NKAIN3: variants seen among roughly 807,000 people sequenced by gnomAD.
The protein encoded by NKAIN3 is sodium/potassium-transporting ATPase subunit beta-1-interacting protein 3.
Under a neutral mutation model 30.2 loss-of-function variants are expected in NKAIN3, and 25 were observed. The observed-to-expected ratio is 0.83, with a 90% CI of 0.60 to 1.16. The LOEUF is 1.16. Among genes scored for constraint, NKAIN3 ranks in the 50% most tolerant of loss-of-function variants. The pLI, the probability that NKAIN3 is intolerant of heterozygous loss-of-function variation, is 0.00. For synonymous variants in NKAIN3, 91 were observed against 89.6 expected, an observed-to-expected ratio of 1.02 and a Z score of -0.09; for missense variants, 225 against 254.1, an observed-to-expected ratio of 0.89 and a Z score of 0.78.
chr8:62,806,157 G>A (rs1286422033), intron 4 of NKAIN3, among the ~76,000 whole-genome samples: 1 of 152,212 alleles, frequency 6.6e-6, no homozygotes, highest in East Asian at 1.9e-4. Flanking sequence ...GGAAACAACA[G>A]GTGCTGGAGA....
chr8:62,273,135 A>T (rs1257116091), intron 1 of NKAIN3, among the ~76,000 whole-genome samples: 2 of 152,216 alleles, frequency 1.3e-5, no homozygotes, highest in African/African-American at 4.8e-5. Context: ...CTTGGGCCAT[A>T]GTTTGCTGAT....
intron 3 of NKAIN3, among the ~76,000 whole-genome samples, chr8:62,735,969 C>T (rs1408614337): frequency 2.0e-5 from 3 of 152,152 alleles, no homozygotes; most frequent in Non-Finnish European, 2.9e-5. Context: ...TGAGGAGTGT[C>T]TGCAAAGGGT....
chr8:62,921,208 G>A (rs1822265861), intron 5 of NKAIN3, among the ~76,000 whole-genome samples: 1 of 152,120 alleles, frequency 6.6e-6, no homozygotes, highest in South Asian at 2.1e-4. Flanking sequence ...TTTCCAATTT[G>A]TCTAAGTACA....
intron 1 of NKAIN3, among the ~76,000 whole-genome samples, chr8:62,490,226 C>G (rs535349823): frequency 1.4e-4 from 21 of 151,670 alleles, no homozygotes; most frequent in African/African-American, 5.1e-4. Context: ...AAGCCTGATT[C>G]AATCAGTTGG....
chr8:62,540,769 A>G lies in NKAIN3; in HGVS notation c.55-38770A>G, dbSNP rs141253627. Among the ~76,000 whole-genome samples, 368 of 152,040 alleles carry G rather than the reference A, an allele frequency of 2.4e-3. 1 individual carries two copies. The highest frequency in any genetic ancestry group is 8.7e-3 in the African/African-American group (361 of 41,464). ...TTTAATAAATAATCTCCTATTGTCT[A>G]GATCCCATGTCTTTTGCATTTTTGG... On this transcript the variant is annotated intron_variant, in intron 1 of 6. Transcript: ENST00000623646.
chr8:62,747,706 A>C (rs895307325), intron 4 of NKAIN3, among the ~76,000 whole-genome samples: 1 of 152,222 alleles, frequency 6.6e-6, no homozygotes, highest in Non-Finnish European at 1.5e-5. Flanking sequence ...ATTTTATTCC[A>C]CCAGACTGCC....
intron 6 of NKAIN3, among the ~76,000 whole-genome samples, chr8:62,963,246 A>G (rs890038734): frequency 2.6e-5 from 4 of 152,140 alleles, no homozygotes; most frequent in African/African-American, 7.2e-5. Context: ...CAGGTTTGCC[A>G]ATAGGTTTTC....
intron 4 of NKAIN3, among the ~76,000 whole-genome samples, chr8:62,858,517 A>T (rs1330884630): frequency 6.6e-6 from 1 of 152,140 alleles, no homozygotes; most frequent in South Asian, 2.1e-4. Context: ...TCCCAGGGAA[A>T]GATCAGAACT....
chr8:62,425,284 T>C (rs1298226454), intron 1 of NKAIN3, among the ~76,000 whole-genome samples: 1 of 151,878 alleles, frequency 6.6e-6, no homozygotes, highest in African/African-American at 2.4e-5. Context: ...TTATGTACTC[T>C]TATCACAATT....
chr8:62,310,321 T>C (rs560565730), intron 1 of NKAIN3, among the ~76,000 whole-genome samples: 1 of 150,394 alleles, frequency 6.6e-6, no homozygotes, highest in Non-Finnish European at 1.5e-5. Context: ...ATTGAAACAC[T>C]GGGAAGGATC....
chr8:62,381,047 A>G (rs1458280272), intron 1 of NKAIN3, among the ~76,000 whole-genome samples: 1 of 152,196 alleles, frequency 6.6e-6, no homozygotes, highest in Non-Finnish European at 1.5e-5. Context: ...AAAAATATCA[A>G]TTACTTAGTT....
At chr8:62,310,029 G>A (rs1183170354) in intron 1 of NKAIN3, among the ~76,000 whole-genome samples, 1 of 150,432 alleles carries the variant, frequency 6.6e-6, no homozygotes, top group East Asian at 1.9e-4. Flanking sequence ...AAAATAGAAT[G>A]GTTAATGACA....
At chr8:62,562,716 A>G (rs895704340) in intron 1 of NKAIN3, among the ~76,000 whole-genome samples, 4 of 152,180 alleles carry the variant, frequency 2.6e-5, no homozygotes, top group Non-Finnish European at 5.9e-5. Flanking sequence ...TCACTTATCT[A>G]TAGCATAAGT....
rs983777005 is a variant in NKAIN3, at chr8:62,864,290, A to G, written c.472-54163A>G. 7 of 1,277,466 alleles carry G rather than the reference A, an allele frequency of 5.5e-6. No individual in the cohort carries two copies. In the Admixed American group the frequency reaches 7.3e-5, roughly 13 times the overall value. 79.1% of individuals were successfully genotyped at this position (1,277,466 alleles called of 1,614,324 possible). A position where few individuals can be genotyped will look rare whatever the true frequency, so the allele number is the denominator to read the frequency against. ...GCAAAGGACAATGCTGAAGCTGAGG[A>G]CCAGGAAGAGAAAGAAGACCCTGAG... On this transcript the variant is annotated intron_variant, in intron 4 of 6. Coordinates refer to ENST00000623646, the MANE Select transcript of NKAIN3 (RefSeq NM_001304533.3).
intron 4 of NKAIN3, chr8:62,864,173 A>G (rs1046292871): frequency 1.7e-4 from 110 of 637,782 alleles, no homozygotes; most frequent in Non-Finnish European, 5.8e-5. Flanking sequence ...TCACTTGCTC[A>G]ACCGACCGGG....
chr8:62,715,757 T>C (rs1476224741), intron 3 of NKAIN3, among the ~76,000 whole-genome samples: 1 of 151,966 alleles, frequency 6.6e-6, no homozygotes, highest in Non-Finnish European at 1.5e-5. Flanking sequence ...CTGGTGGGAG[T>C]TGGATTTCAA....
chr8:62,288,576 C>CT, intron 1 of NKAIN3, among the ~76,000 whole-genome samples: 1 of 152,202 alleles, frequency 6.6e-6, no homozygotes, highest in Non-Finnish European at 1.5e-5. Flanking sequence ...TAAACTCATC[C>CT]TTTTTTATGG....
rs1478953805 is a variant in NKAIN3 at position 62,971,763 on chromosome 8, T to C, written c.*6356T>C. On this transcript the variant is annotated 3_prime_UTR_variant, in exon 7 of 7. Coordinates refer to ENST00000623646, the MANE Select transcript of NKAIN3 (RefSeq NM_001304533.3). ...CTTGGAACAGTGTTTTCATTTGTAGTACTTTATAACACATTCTAGAAAAAA... is the reference window on the plus strand; with the variant it reads ...CTTGGAACAGTGTTTTCATTTGTAGCACTTTATAACACATTCTAGAAAAAA... Among the ~76,000 whole-genome samples the C allele has an allele frequency of 6.6e-6, 1 of 152,220 alleles. No individual in the cohort carries two copies. Among genetic ancestry groups the C allele is most frequent in the East Asian group, 1.9e-4 (1 of 5,198 alleles).
chr8:62,592,487 A>G (rs561626072), intron 3 of NKAIN3, among the ~76,000 whole-genome samples: 1 of 152,172 alleles, frequency 6.6e-6, no homozygotes, highest in African/African-American at 2.4e-5. Context: ...AGAGTAACCA[A>G]TATAACTAAA....
Sources: gnomAD v4.1 joint callset for allele counts (sites outside exome capture counted in the v4.1 genomes callset) on GRCh38, gnomAD v4.1.1 for gene constraint, MANE v1.5 for transcripts, NCBI Gene and HGNC (gene_info 2026-07-23, HGNC 2026-07-21) for gene names.